The following UNKL variants were observed in gnomAD, a reference collection of about 807,000 sequenced individuals.
UNKL encodes unk like zinc finger, also known as putative E3 ubiquitin-protein ligase UNKL.
UNKL carries 60 observed loss-of-function variants against 78.0 expected under a neutral mutation model. The observed-to-expected ratio is 0.77, with a 90% CI of 0.63 to 0.95. UNKL has a LOEUF of 0.95. Among genes scored for constraint, UNKL ranks in the 40% least tolerant of loss-of-function variants. The probability of loss-of-function intolerance (pLI) is 0.00; values close to 1 mark genes in which losing one functional copy is unlikely to be tolerated. For synonymous variants in UNKL, 608 were observed against 474.8 expected (o/e 1.28, Z -3.65); for missense variants, 1,159 against 1,045.7 (o/e 1.11, Z -1.49).
intron 10 of UNKL, 59 bp from the exon 11 acceptor site, chr16:1,371,670 C>T: frequency 6.6e-7 from 1 of 1,511,154 alleles, no homozygotes; most frequent in South Asian, 1.2e-5. Flanking sequence ...CTCAGGAAGC[C>T]TAGCTGAGGA....
intron 6 of UNKL, 147 bp downstream of exon 6, chr16:1,397,031 T>C: frequency 2.5e-6 from 2 of 801,022 alleles, no homozygotes; most frequent in Non-Finnish European, 2.0e-6. Flanking sequence ...ACAGCCCTCA[T>C]GCCTCCACCC....
At chr16:1,409,946 G>A (rs541646558) in intron 2 of UNKL, among the ~76,000 whole-genome samples, 1 of 152,208 alleles carries the variant, frequency 6.6e-6, no homozygotes, top group East Asian at 1.9e-4. Context: ...CAGGCATGGT[G>A]GCACACGCCT....
In UNKL at chr16:1,401,577, G is replaced by A. The variant is rs565854694; in HGVS notation, c.589C>T (p.Arg197Trp). The change falls in exon 4 of 15, where the codon CGG (arginine) becomes TGG (tryptophan). Residue 197 changes from arginine (R) to tryptophan (W), a missense_variant. Physicochemically the swap from Arg to Trp is moderately radical, Grantham distance 101. Coordinates refer to ENST00000389221, the MANE Select transcript of UNKL (RefSeq NM_001372107.1). ...MIEKILSEDPRWQDANFVLGS... is the reference protein window; with the variant it reads ...MIEKILSEDPWWQDANFVLGS... Reference sequence around the variant, plus strand: ...GCGGCCGTGGAGTTACCTTGCCACCGGGGGTCCTCGCTCAGGATCTTCTCA... The same window carrying A: ...GCGGCCGTGGAGTTACCTTGCCACCAGGGGTCCTCGCTCAGGATCTTCTCA... The A allele has an allele frequency of 6.4e-6, 10 of 1,567,718 alleles. No homozygotes were observed. Among genetic ancestry groups the A allele is most frequent in the African/African-American group, 1.4e-5 (1 of 70,014 alleles).
intron 8 of UNKL, among the ~76,000 whole-genome samples, chr16:1,391,262 ACACACACACAC>A (rs879525547): frequency 0.041 from 141 of 3,480 alleles, no homozygotes; most frequent in South Asian, 0.15. Context: ...ACACACACAC[ACACACACACAC>A]ACACACACAC....
At chr16:1,406,074 C>T in intron 2 of UNKL, 1 of 456,720 alleles carries the variant, frequency 2.2e-6, no homozygotes, top group Non-Finnish European at 4.4e-6. Flanking sequence ...GTGCGAGAAC[C>T]ACCGGGCTTA....
At chr16:1,376,769 A>G (rs2036258784) in intron 10 of UNKL, among the ~76,000 whole-genome samples, 1 of 151,982 alleles carries the variant, frequency 6.6e-6, no homozygotes, top group Admixed American at 6.6e-5. Flanking sequence ...GCTTTTTCCT[A>G]TACGAACGTC....
At position 1,396,737 on chromosome 16, in the gene UNKL, A is replaced by G. The variant is rs544944994; in HGVS notation, c.852+441T>C. On this transcript the variant is annotated intron_variant, in intron 6 of 14. Coordinates refer to ENST00000389221, the MANE Select transcript of UNKL (RefSeq NM_001372107.1). ...GCCTCCTGAGTAGCTGGGACTACAG[A>G]CGCCCGCCACCACGCCTGGCTGATT... Among the ~76,000 whole-genome samples the G allele has an allele frequency of 1.2e-3, 183 of 151,660 alleles. 1 individual carries two copies. The highest frequency in any genetic ancestry group is 4.1e-3 in the African/African-American group (168 of 41,328).
rs2038196893 is a variant in UNKL at position 1,414,604 on chromosome 16, C to T, written c.77+11G>A. On this transcript the variant is annotated intron_variant, in intron 1 of 14. Coordinates refer to ENST00000389221, the MANE Select transcript of UNKL (RefSeq NM_001372107.1). Reference sequence around the variant, plus strand: ...CGCGGGCGGGGGGCCGCAGGCCGGACGGGCGCTGACCTGTAGTGGGTCGGC... The same window carrying T: ...CGCGGGCGGGGGGCCGCAGGCCGGATGGGCGCTGACCTGTAGTGGGTCGGC... 1 of 1,042,112 alleles carries T rather than the reference C, an allele frequency of 9.6e-7. No individual in the cohort carries two copies. 64.6% of individuals were successfully genotyped at this position (1,042,112 alleles called of 1,614,324 possible). A position where few individuals can be genotyped will look rare whatever the true frequency, so the allele number is the denominator to read the frequency against.
rs560284051 is a variant in UNKL at position 1,363,957 on chromosome 16, G to T, written c.*2283C>A. The T allele has an allele frequency of 2.6e-5, 4 of 152,334 alleles. No homozygotes were observed. The South Asian group carries it at 8.3e-4, about 32-fold the overall frequency. The allele number at this position is 152,334 out of a possible 1,614,324, so 9.4% of individuals were successfully genotyped here. A position where few individuals can be genotyped will look rare whatever the true frequency, so the allele number is the denominator to read the frequency against. On this transcript the variant is annotated 3_prime_UTR_variant, in exon 15 of 15. Transcript: ENST00000389221. ...AGGGGCGGGCGCCACCTCCTTCCCA[G>T]AAAGAGCAGAGCAGCTGGCAGACTA...
chr16:1,367,348 A>C lies in UNKL; in HGVS notation c.1790T>G (p.Val597Gly). 6.5e-7 allele frequency: 1 copy of C among 1,540,212 alleles called. No homozygotes were observed. Among genetic ancestry groups the C allele is most frequent in the Non-Finnish European group, 8.7e-7 (1 of 1,147,680 alleles). The change falls in exon 14 of 15, where the codon GTC (valine) becomes GGC (glycine). Residue 597 changes from valine to glycine, a missense_variant and splice_region_variant. Coordinates refer to ENST00000389221, the MANE Select transcript of UNKL (RefSeq NM_001372107.1). Reference protein sequence around the residue: ...WEESWQQVKQVCDAWQREAQE... With the variant: ...WEESWQQVKQGCDAWQREAQE... ...CGCCTCTCGCTGCCAGGCATCGCAG[A>C]CCTGAAACCCAGGGCCCGTCTCAGC...
In UNKL at chr16:1,363,715, G is replaced by A. The variant is rs2035018657; in HGVS notation, c.*2525C>T. ...CCTGAGGCCATGGCCACCAAGACAG[G>A]TGAGGGAGGCCCCAGGGCACACAGC... On this transcript the variant is annotated 3_prime_UTR_variant, in exon 15 of 15. Coordinates refer to ENST00000389221, the MANE Select transcript of UNKL (RefSeq NM_001372107.1). The A allele has an allele frequency of 6.0e-6, 1 of 165,884 alleles. No individual in the cohort carries two copies. Among genetic ancestry groups the A allele is most frequent in the Non-Finnish European group, 1.3e-5 (1 of 75,952 alleles). 10.3% of individuals were successfully genotyped at this position (165,884 alleles called of 1,614,324 possible).
chr16:1,375,848 C>CA (rs2036175258), intron 10 of UNKL, among the ~76,000 whole-genome samples: 1 of 152,194 alleles, frequency 6.6e-6, no homozygotes, highest in South Asian at 2.1e-4. Context: ...AGCGGACATC[C>CA]ACCCTGGCCT....
chr16:1,378,484 C>A (rs1038557708), intron 10 of UNKL, among the ~76,000 whole-genome samples: 1 of 152,202 alleles, frequency 6.6e-6, no homozygotes, highest in Non-Finnish European at 1.5e-5. Context: ...AACGGAGGCG[C>A]CTTTTCTCCC....
chr16:1,412,982 T>G (rs961448518), intron 2 of UNKL, among the ~76,000 whole-genome samples: 25 of 152,158 alleles, frequency 1.6e-4, no homozygotes, highest in African/African-American at 6.0e-4. Context: ...GCACAGTGGC[T>G]CACACCTGGA....
chr16:1,412,842 T>C (rs2038102181), intron 2 of UNKL, among the ~76,000 whole-genome samples: 1 of 151,340 alleles, frequency 6.6e-6, no homozygotes. Context: ...AGGATCGCTG[T>C]GCCCAGGAGG....
At chr16:1,375,245 C>T (rs530710636) in intron 10 of UNKL, among the ~76,000 whole-genome samples, 24 of 152,380 alleles carry the variant, frequency 1.6e-4, no homozygotes, top group African/African-American at 4.6e-4. Flanking sequence ...AACTTCACCC[C>T]GAATCTGGCC....
chr16:1,406,791 A>G (rs1452612107), intron 2 of UNKL, among the ~76,000 whole-genome samples: 2 of 152,172 alleles, frequency 1.3e-5, no homozygotes, highest in Admixed American at 6.5e-5. Context: ...CTTAGGTCCT[A>G]AGGCATTCAA....
In UNKL at chr16:1,414,703, A is replaced by G; in HGVS notation, c.-12T>C. On this transcript the variant is annotated 5_prime_UTR_variant, in exon 1 of 15. Transcript: ENST00000389221. ...GAAACCGACGGCATTTTCAGTCAAA[A>G]CAATGCAGCGCGCATGCGCCGCGCC... 1.8e-6 allele frequency: 2 copies of G among 1,119,734 alleles called. No homozygotes were observed. Among genetic ancestry groups the G allele is most frequent in the Non-Finnish European group, 2.2e-6 (2 of 906,864 alleles). The allele number at this position is 1,119,734 out of a possible 1,614,324, so 69.4% of individuals were successfully genotyped here. A position where few individuals can be genotyped will look rare whatever the true frequency, so the allele number is the denominator to read the frequency against.
chr16:1,394,336 A>AG, intron 6 of UNKL, 121 bp from the exon 7 acceptor site: 1 of 1,226,514 alleles, frequency 8.2e-7, no homozygotes, highest in Non-Finnish European at 1.2e-6. Flanking sequence ...ACCCCTGAAA[A>AG]GGGGGGCGTG....
Sources: gnomAD v4.1 joint callset for allele counts (sites outside exome capture counted in the v4.1 genomes callset) on GRCh38, gnomAD v4.1.1 for gene constraint, MANE v1.5 for transcripts, NCBI Gene and HGNC (gene_info 2026-07-23, HGNC 2026-07-21) for gene names.